COL8A1: variants seen among roughly 807,000 people sequenced by gnomAD.
COL8A1 encodes collagen type VIII alpha 1 chain, also known as collagen alpha-1(VIII) chain.
A neutral mutation model predicts 42.7 loss-of-function variants in COL8A1; 21 were observed. The ratio of observed to expected loss-of-function variants is 0.49; its 90% CI spans 0.35 to 0.71. The LOEUF (loss-of-function observed/expected upper bound fraction) is 0.71, where lower values mean the gene tolerates loss of function less well. Ranked by LOEUF, COL8A1 falls within the 30% of genes least tolerant of loss-of-function variation. The probability of loss-of-function intolerance (pLI) is 0.01; values close to 1 mark genes in which losing one functional copy is unlikely to be tolerated. For missense variants in COL8A1, 788 were observed against 962.4 expected (o/e 0.82, Z 2.40); for synonymous variants, 367 against 369.1 (o/e 0.99, Z 0.06).
intron 1 of COL8A1, among the ~76,000 whole-genome samples, chr3:99,674,415 T>A (rs1938631311): frequency 6.6e-6 from 1 of 151,756 alleles, no homozygotes; most frequent in Non-Finnish European, 1.5e-5. Context: ...TTAATATACC[T>A]TTGAGATAAA....
At chr3:99,770,756 C>T (rs1000365247) in intron 2 of COL8A1, among the ~76,000 whole-genome samples, 3 of 152,292 alleles carry the variant, frequency 2.0e-5, no homozygotes, top group Non-Finnish European at 4.4e-5. Context: ...TATTTGCCAG[C>T]CACTGGGGAA....
intron 1 of COL8A1, among the ~76,000 whole-genome samples, chr3:99,664,531 A>C (rs1027448695): frequency 7.9e-5 from 12 of 152,118 alleles, no homozygotes; most frequent in African/African-American, 2.9e-4. Context: ...ATTCAATGCA[A>C]ATCTTTCTTC....
In COL8A1 at chr3:99,795,695, C is replaced by A; in HGVS notation, c.1794C>A (p.Pro598=). 3.1e-6 allele frequency: 5 copies of A among 1,614,130 alleles called. No individual in the cohort carries two copies. The highest frequency in any genetic ancestry group is 4.2e-6 in the Non-Finnish European group (5 of 1,180,018). ...TGGGAATTGATGGCGTGAAACCCCC[C>A]CATGCCTACGGGGCTAAGAAAGGCA... ...MGLGIDGVKP[P]HAYGAKKGKN... is the part of the protein sequence containing the mutation. The change falls in exon 4 of 4, where the codon CCC becomes CCA. Residue 598 remains proline, a synonymous_variant. Coordinates refer to ENST00000652472, the MANE Select transcript of COL8A1 (RefSeq NM_020351.4).
At chr3:99,722,956 A>C (rs540260203) in intron 1 of COL8A1, among the ~76,000 whole-genome samples, 6 of 151,822 alleles carry the variant, frequency 4.0e-5, no homozygotes, top group African/African-American at 9.7e-5. Context: ...ATTTTAAGGG[A>C]TCTGTAGTGG....
intron 1 of COL8A1, among the ~76,000 whole-genome samples, chr3:99,662,205 C>A: frequency 6.6e-6 from 1 of 152,036 alleles, no homozygotes; most frequent in South Asian, 2.1e-4. Context: ...ATGGTGAAAC[C>A]CCATGGCTAC....
intron 2 of COL8A1, among the ~76,000 whole-genome samples, chr3:99,747,779 T>C (rs1941058867): frequency 6.6e-6 from 1 of 152,176 alleles, no homozygotes. Flanking sequence ...GGAATTTACT[T>C]GTTACTGCCA....
intron 1 of COL8A1, among the ~76,000 whole-genome samples, chr3:99,742,072 T>C (rs1257580705): frequency 2.0e-5 from 3 of 152,222 alleles, no homozygotes; most frequent in Non-Finnish European, 2.9e-5. Context: ...AAATTATTTT[T>C]AAGCATCTGT....
chr3:99,653,838 A>G (rs1576414700), intron 1 of COL8A1, among the ~76,000 whole-genome samples: 1 of 152,020 alleles, frequency 6.6e-6, no homozygotes, highest in East Asian at 1.9e-4. Context: ...GAGTCCTTGT[A>G]TTAGTCAGGG....
intron 1 of COL8A1, among the ~76,000 whole-genome samples, chr3:99,653,554 T>C (rs141155559): frequency 0.013 from 1,959 of 151,810 alleles, 13 homozygotes; most frequent in Non-Finnish European, 0.019. Context: ...CAATGCACAG[T>C]ATATATAGAG....
intron 2 of COL8A1, among the ~76,000 whole-genome samples, chr3:99,775,286 G>A (rs1941673571): frequency 6.6e-6 from 1 of 152,158 alleles, no homozygotes; most frequent in Non-Finnish European, 1.5e-5. Flanking sequence ...TCTGGCATAT[G>A]AGGTTCAAGT....
intron 2 of COL8A1, among the ~76,000 whole-genome samples, chr3:99,757,770 C>T (rs1941283402): frequency 6.6e-6 from 1 of 152,112 alleles, no homozygotes; most frequent in Non-Finnish European, 1.5e-5. Context: ...TGTTCCCAAA[C>T]TAAGGCCCTT....
chr3:99,747,626 G>A (rs994435946), intron 2 of COL8A1, among the ~76,000 whole-genome samples: 1 of 152,136 alleles, frequency 6.6e-6, no homozygotes, highest in African/African-American at 2.4e-5. Context: ...TGAAGAACAC[G>A]GGATTTTATA....
At chr3:99,641,190 G>A (rs543899090) in intron 1 of COL8A1, among the ~76,000 whole-genome samples, 1 of 152,216 alleles carries the variant, frequency 6.6e-6, no homozygotes, top group Non-Finnish European at 1.5e-5. Flanking sequence ...GAAGCTGGAG[G>A]AATCACAGAA....
intron 2 of COL8A1, 82 bp from the exon 3 acceptor site, chr3:99,790,598 T>C (rs756829867): frequency 1.9e-5 from 21 of 1,109,668 alleles, no homozygotes; most frequent in Non-Finnish European, 2.6e-5. Flanking sequence ...TCCCTTTTTT[T>C]TCCCCATTCT....
Position 99,795,129 on chromosome 3 carries a change from C to T in COL8A1, c.1228C>T (p.Pro410Ser), listed in dbSNP as rs199818609. The change falls in exon 4 of 4, where the codon CCT (proline) becomes TCT (serine). Residue 410 changes from proline (P) to serine (S), a missense_variant. Pro to Ser is a moderately conservative substitution (Grantham distance 74). Transcript: ENST00000652472. ...GGGCCCTCCAGGTGCTATTGGTTTTCCTGGACCCAAAGGAGAAGGTGGGAT... is the reference window on the plus strand; with the variant it reads ...GGGCCCTCCAGGTGCTATTGGTTTTTCTGGACCCAAAGGAGAAGGTGGGAT... Reference protein sequence around the residue: ...PMGPPGAIGFPGPKGEGGIVG... With the variant: ...PMGPPGAIGFSGPKGEGGIVG... 1.7e-4 allele frequency: 268 copies of T among 1,613,720 alleles called. No homozygotes were observed. The East Asian group carries it at 5.5e-3, about 33-fold the overall frequency.
intron 2 of COL8A1, among the ~76,000 whole-genome samples, chr3:99,782,067 T>A (rs1029630355): frequency 2.6e-5 from 4 of 152,196 alleles, no homozygotes; most frequent in Admixed American, 2.6e-4. Context: ...TTATCTTTTA[T>A]AGCCACTTTT....
At chr3:99,787,358 G>T (rs564785964) in intron 2 of COL8A1, among the ~76,000 whole-genome samples, 1 of 152,190 alleles carries the variant, frequency 6.6e-6, no homozygotes, top group Admixed American at 6.5e-5. Flanking sequence ...TGACTGCCTT[G>T]GTTCAGCTGT....
chr3:99,667,959 G>T (rs965374152), intron 1 of COL8A1, among the ~76,000 whole-genome samples: 4 of 152,020 alleles, frequency 2.6e-5, no homozygotes, highest in Non-Finnish European at 5.9e-5. Flanking sequence ...TATCTAATAT[G>T]CTTAATAAGA....
intron 2 of COL8A1, among the ~76,000 whole-genome samples, chr3:99,759,421 GA>G (rs1295727072): frequency 1.3e-5 from 2 of 152,132 alleles, no homozygotes; most frequent in East Asian, 3.9e-4. Flanking sequence ...AAATATCCTC[GA>G]AATGATTTCC....
Sources: allele counts gnomAD v4.1 joint callset (sites outside exome capture counted in the v4.1 genomes callset), GRCh38; gene constraint gnomAD v4.1.1; transcripts MANE v1.5; gene names NCBI Gene and HGNC (gene_info 2026-07-23, HGNC 2026-07-21).